TRAK1: variants seen among roughly 807,000 people sequenced by gnomAD.
TRAK1 encodes trafficking kinesin protein 1.
A neutral mutation model predicts 92.1 loss-of-function variants in TRAK1; 33 were observed. The ratio of observed to expected loss-of-function variants is 0.36; its 90% CI spans 0.27 to 0.48. TRAK1 has a LOEUF of 0.48. TRAK1 is among the 20% of genes least tolerant of loss of function. The pLI is 0.99. For missense variants in TRAK1, 1,123 were observed against 1,257.9 expected (o/e 0.89, Z 1.62); for synonymous variants, 521 against 517.3 (o/e 1.01, Z -0.10).
upstream of TRAK1, among the ~76,000 whole-genome samples, chr3:42,013,601 T>A (rs958100498): frequency 7.1e-6 from 1 of 140,612 alleles, no homozygotes; most frequent in African/African-American, 2.6e-5. The surrounding 1 kb of genome is among the most constrained non-coding windows in gnomAD (Gnocchi z 5.1). Flanking sequence ...TCGGCGCGCG[T>A]CGGGCGGTGA....
chr3:42,131,588 G>A (rs1284461905), intron 2 of TRAK1, among the ~76,000 whole-genome samples: 11 of 120,092 alleles, frequency 9.2e-5, no homozygotes, highest in African/African-American at 2.0e-4. Flanking sequence ...ATGGTGGCGT[G>A]CACCTGTAAT....
rs771476359 is a variant in TRAK1, at chr3:42,194,907, C to G, written c.1079C>G (p.Ser360Cys). ...LRNKTMPNTT[S>C]RRYHSLGLFP... is the part of the protein sequence containing the mutation. ...AACAAAACCATGCCCAATACCACGT[C>G]TCGGCGCTACCACTCACTGGGCCTG... The change falls in exon 10 of 16, where the codon TCT becomes TGT. Residue 360 changes from serine to cysteine, a missense_variant. Ser to Cys is a moderately radical substitution (Grantham distance 112). Around this residue, in one of 3 missense-constraint regions of TRAK1, gnomAD observed 686 missense variants for 747.6 expected, o/e 0.92. Transcript: ENST00000327628. 6.2e-7 allele frequency: 1 copy of G among 1,613,962 alleles called. No homozygotes were observed. Among genetic ancestry groups the G allele is most frequent in the East Asian group, 2.2e-5 (1 of 44,866 alleles).
intron 2 of TRAK1, among the ~76,000 whole-genome samples, chr3:42,170,678 A>T (rs898426071): frequency 9.9e-5 from 15 of 152,102 alleles, no homozygotes; most frequent in Admixed American, 8.5e-4. Flanking sequence ...GGTGTAGAAG[A>T]TAGGAGGAAA....
At chr3:42,016,480 T>C (rs1396182766) in intron 1 of TRAK1, among the ~76,000 whole-genome samples, 1 of 152,208 alleles carries the variant, frequency 6.6e-6, no homozygotes. Flanking sequence ...GCTGGGATTA[T>C]AGGCGCAAGC....
chr3:42,058,593 C>T (rs753577376), intron 1 of TRAK1, among the ~76,000 whole-genome samples: 12 of 152,120 alleles, frequency 7.9e-5, no homozygotes, highest in Non-Finnish European at 1.2e-4. Flanking sequence ...ATCTGCCTGC[C>T]TCGGCCTCTC....
chr3:42,177,714 C>T (rs1703400295), intron 3 of TRAK1, among the ~76,000 whole-genome samples: 1 of 152,140 alleles, frequency 6.6e-6, no homozygotes, highest in African/African-American at 2.4e-5. Flanking sequence ...GAAACTGGGC[C>T]AGACTCGTTT....
intron 13 of TRAK1, among the ~76,000 whole-genome samples, chr3:42,208,453 C>T (rs999227944): frequency 2.0e-5 from 3 of 152,154 alleles, no homozygotes; most frequent in African/African-American, 7.2e-5. Context: ...GCGGCCTCTC[C>T]CTCACCCCAC....
intron 1 of TRAK1, among the ~76,000 whole-genome samples, chr3:42,048,324 C>A (rs909009046): frequency 6.6e-6 from 1 of 152,102 alleles, no homozygotes; most frequent in Non-Finnish European, 1.5e-5. Flanking sequence ...CAGGCATGAG[C>A]CACCACAGTG....
intron 1 of TRAK1, among the ~76,000 whole-genome samples, chr3:42,114,562 G>GC: frequency 6.6e-6 from 1 of 152,292 alleles, no homozygotes; most frequent in South Asian, 2.1e-4. Context: ...ACTGTTTACT[G>GC]CAAGTGTTGT....
chr3:42,083,193 G>GT (rs1251935871), upstream of TRAK1, among the ~76,000 whole-genome samples: 59 of 152,118 alleles, frequency 3.9e-4, no homozygotes, highest in African/African-American at 1.3e-3. Flanking sequence ...CTTTGTTGTT[G>GT]TTTTTTTAAA....
chr3:42,146,172 A>T, intron 2 of TRAK1: 1 of 351,062 alleles, frequency 2.8e-6, no homozygotes, highest in Non-Finnish European at 5.7e-6. Context: ...AACAAGGAGG[A>T]AAAAATACCT....
chr3:42,028,321 T>C (rs1226140655), intron 1 of TRAK1, among the ~76,000 whole-genome samples: 1 of 152,080 alleles, frequency 6.6e-6, no homozygotes, highest in East Asian at 2.0e-4. Context: ...TCACCTTTGA[T>C]TAGAGTCAGG....
chr3:42,100,633 T>G (rs533438871), intron 1 of TRAK1, among the ~76,000 whole-genome samples: 6 of 152,194 alleles, frequency 3.9e-5, no homozygotes, highest in Non-Finnish European at 7.3e-5. Flanking sequence ...GTAGTGAACT[T>G]TATTCGAGCT....
chr3:42,086,257 C>T (rs1396528099), upstream of TRAK1, among the ~76,000 whole-genome samples: 1 of 151,804 alleles, frequency 6.6e-6, no homozygotes, highest in East Asian at 1.9e-4. Context: ...TCATCCTAGT[C>T]AGATTTTAAA....
chr3:42,080,633 T>G (rs920832931), intron 1 of TRAK1, among the ~76,000 whole-genome samples: 2 of 152,198 alleles, frequency 1.3e-5, no homozygotes, highest in Non-Finnish European at 2.9e-5. Context: ...GCTTTGTTCC[T>G]GAGCCCCTGT....
At chr3:42,104,585 G>A (rs1176411281) in intron 1 of TRAK1, among the ~76,000 whole-genome samples, 2 of 152,192 alleles carry the variant, frequency 1.3e-5, no homozygotes, top group Admixed American at 1.3e-4. Context: ...GGCAAACAGG[G>A]TCTGGAGTGG....
intron 15 of TRAK1, among the ~76,000 whole-genome samples, chr3:42,220,991 G>A (rs1466913286): frequency 6.6e-6 from 1 of 151,716 alleles, no homozygotes; most frequent in Non-Finnish European, 1.5e-5. Context: ...TGTAGCCATA[G>A]GACTCAAACC....
At chr3:42,022,672 T>A (rs551265267) in intron 1 of TRAK1, among the ~76,000 whole-genome samples, 85 of 149,690 alleles carry the variant, frequency 5.7e-4, no homozygotes, top group African/African-American at 2.0e-3. Flanking sequence ...CAGTGAGCCA[T>A]GATTACACCA....
chr3:42,188,949 C>T, intron 5 of TRAK1, 67 bp from the exon 6 acceptor site: 1 of 1,178,226 alleles, frequency 8.5e-7, no homozygotes, highest in Admixed American at 1.8e-5. Context: ...TTTGTGTCTC[C>T]ACATGGTTTG....
Sources: gnomAD v4.1 joint callset for allele counts (sites outside exome capture counted in the v4.1 genomes callset) on GRCh38, gnomAD v4.1.1 for gene constraint, gnomAD v4.1.1 regional missense constraint, Gnocchi (gnomAD v3.1) non-coding constraint, MANE v1.5 for transcripts, NCBI Gene and HGNC (gene_info 2026-07-23, HGNC 2026-07-21) for gene names.